Variants in PITRM1 observed in about 807,000 individuals in gnomAD.
PITRM1 encodes the protein pitrilysin metallopeptidase 1.
In PITRM1, 100 loss-of-function variants were observed where a neutral mutation model predicts 129.9. That is an observed-to-expected ratio of 0.77 (90% CI 0.65 to 0.91). The LOEUF (loss-of-function observed/expected upper bound fraction) is 0.91, where lower values mean the gene tolerates loss of function less well. PITRM1 is among the 40% of genes least tolerant of loss of function. The pLI is 0.00. For synonymous variants in PITRM1, 591 were observed against 508.8 expected (o/e 1.16, Z -2.17); for missense variants, 1,471 against 1,318.3 (o/e 1.12, Z -1.79).
At chr10:3,154,758 T>TC (rs972932593) in intron 14 of PITRM1, among the ~76,000 whole-genome samples, 35 of 152,162 alleles carry the variant, frequency 2.3e-4, no homozygotes, top group Admixed American at 1.8e-3. Context: ...AAATGTTTTT[T>TC]CCCAGAGGCC....
intron 14 of PITRM1, among the ~76,000 whole-genome samples, chr10:3,152,473 C>A (rs983847412): frequency 6.6e-6 from 1 of 152,238 alleles, no homozygotes; most frequent in Non-Finnish European, 1.5e-5. Flanking sequence ...CACTTAGACA[C>A]GGGACCTTGG....
At position 3,144,304 on chromosome 10, in the gene PITRM1, C is replaced by G; in HGVS notation, c.2520G>C (p.Arg840Ser). The part of the protein sequence containing the change: ...AHVPHGSQVI[R>S]KLVMEPTFKP... ...CTGTGGTTCTTACCATGACCAGCTTCCTAATGACCTGGGAGCCATGGGGAA... is the reference window on the plus strand; with the variant it reads ...CTGTGGTTCTTACCATGACCAGCTTGCTAATGACCTGGGAGCCATGGGGAA... Residue 840 changes from arginine to serine, a missense_variant, in exon 22 of 27, where the codon AGG becomes AGC. By Grantham distance (110) the Arg-to-Ser change is moderately radical (BLOSUM62 -1). Transcript: ENST00000224949. 1 of 1,557,326 alleles carries G rather than the reference C, an allele frequency of 6.4e-7. No homozygotes were observed. Among genetic ancestry groups the G allele is most frequent in the African/African-American group, 1.4e-5 (1 of 73,498 alleles).
At chr10:3,143,624 T>C in intron 22 of PITRM1, 123 bp from the exon 23 acceptor site, 1 of 734,628 alleles carries the variant, frequency 1.4e-6, no homozygotes, top group South Asian at 1.5e-5. Context: ...GCACTGGGAC[T>C]GGAGCCATCT....
chr10:3,159,010 C>T lies in PITRM1; in HGVS notation c.1040G>A (p.Ser347Asn), dbSNP rs774576261. The T allele has an allele frequency of 1.9e-6, 3 of 1,612,458 alleles. No homozygotes were observed. In the Admixed American group the frequency reaches 5.0e-5, roughly 27 times the overall value. Residue 347 changes from serine (S) to asparagine (N), a missense_variant, in exon 10 of 27, where the codon AGT (serine) becomes AAT (asparagine). Physicochemically the swap from Ser to Asn is conservative, Grantham distance 46. Coordinates refer to ENST00000224949, the MANE Select transcript of PITRM1 (RefSeq NM_014889.4). ...AGAAGTCAAGAGTGAAGACAGAAGA[C>T]TTAATGTGAAGGCTTCAAATGTGTC... ...ITDTFEAFTL[S>N]LLSSLLTSGP...
intron 1 of PITRM1, among the ~76,000 whole-genome samples, chr10:3,171,043 C>T (rs914956304): frequency 4.0e-5 from 6 of 150,898 alleles, no homozygotes; most frequent in African/African-American, 7.3e-5. Context: ...GCGGCCCCAG[C>T]ACTCACAGAC....
chr10:3,149,849 A>C lies in PITRM1; in HGVS notation c.1739-96T>G, dbSNP rs1037815066. 28 of 1,341,576 alleles carry C rather than the reference A, an allele frequency of 2.1e-5. No individual in the cohort carries two copies. In the South Asian group the frequency reaches 3.3e-4, roughly 16 times the overall value. The allele number at this position is 1,341,576 out of a possible 1,614,324, so 83.1% of individuals were successfully genotyped here. The stretch of plus-strand genomic sequence containing the variant: ...CAATGCTATTTATTGTTTTTTCAAG[A>C]ATGGAGGTTTAAGACTTATACTAGA... On this transcript the variant is annotated intron_variant, in intron 15 of 26. Transcript: ENST00000224949.
intron 9 of PITRM1, among the ~76,000 whole-genome samples, 179 bp downstream of exon 9, chr10:3,159,669 C>CATTTTGG (rs1458920801): frequency 6.6e-6 from 1 of 152,158 alleles, no homozygotes; most frequent in East Asian, 1.9e-4. Flanking sequence ...CCTCAAAAAC[C>CATTTTGG]ATTTTGGATG....
At chr10:3,163,680 C>G in intron 7 of PITRM1, 45 bp downstream of exon 7, 1 of 1,521,842 alleles carries the variant, frequency 6.6e-7, no homozygotes, top group South Asian at 1.2e-5. Flanking sequence ...ACAAACAAGT[C>G]AACTTTTCAC....
At chr10:3,141,076 G>C (rs183859047) in intron 23 of PITRM1, among the ~76,000 whole-genome samples, 2 of 152,196 alleles carry the variant, frequency 1.3e-5, no homozygotes, top group Non-Finnish European at 2.9e-5. Flanking sequence ...TGAGTAGCTG[G>C]GCCTACAGGT....
chr10:3,149,145 C>G (rs570276574), intron 16 of PITRM1: 2 of 152,968 alleles, frequency 1.3e-5, no homozygotes, highest in South Asian at 4.1e-4. Flanking sequence ...CAACCTCGGC[C>G]ACGGCAGAGC....
intron 24 of PITRM1, 119 bp from the exon 25 acceptor site, chr10:3,139,168 G>A (rs1839930607): frequency 4.7e-6 from 4 of 849,816 alleles, no homozygotes; most frequent in Middle Eastern, 2.3e-4. Flanking sequence ...TTTTATATCT[G>A]ATTTAGTCCA....
At chr10:3,161,860 A>G (rs1842467028) in intron 7 of PITRM1, among the ~76,000 whole-genome samples, 1 of 143,656 alleles carries the variant, frequency 7.0e-6, no homozygotes, top group African/African-American at 2.4e-5. Context: ...GGAAAAAAAA[A>G]AAAAAGAAGA....
rs1186929211 is a variant in PITRM1 at position 3,170,231 on chromosome 10, G to C, written c.57-25C>G. The C allele has an allele frequency of 1.9e-6, 3 of 1,561,088 alleles. No homozygotes were observed. The South Asian group carries it at 3.3e-5, about 17-fold the overall frequency. ...TCTAGATTAAAAGTCATCTAAGTTA[G>C]ATGAGTTGCAGGAAAAGTATCTGGC... On this transcript the variant is annotated intron_variant, in intron 1 of 26. Transcript: ENST00000224949.
intron 2 of PITRM1, 125 bp from the exon 3 acceptor site, chr10:3,167,167 T>C (rs1842930884): frequency 3.2e-6 from 2 of 618,244 alleles, no homozygotes; most frequent in African/African-American, 3.7e-5. Context: ...GAAGGCAGTA[T>C]TTCAGAGCTG....
At chr10:3,149,968 G>T (rs1841341214) in intron 15 of PITRM1, among the ~76,000 whole-genome samples, 1 of 152,064 alleles carries the variant, frequency 6.6e-6, no homozygotes, top group Non-Finnish European at 1.5e-5. Flanking sequence ...AATGGGAACG[G>T]AAGGATGGAA....
intron 2 of PITRM1, among the ~76,000 whole-genome samples, chr10:3,168,397 C>T (rs1843050321): frequency 6.6e-6 from 1 of 152,152 alleles, no homozygotes; most frequent in Non-Finnish European, 1.5e-5. Flanking sequence ...ATTTCTCAAA[C>T]AAGAATCATG....
At chr10:3,151,612 G>A (rs1841525331) in intron 14 of PITRM1, among the ~76,000 whole-genome samples, 1 of 152,202 alleles carries the variant, frequency 6.6e-6, no homozygotes, top group African/African-American at 2.4e-5. Context: ...ATTCTGCTAG[G>A]AAGTGGTGGT....
At chr10:3,150,191 C>T (rs547058215) in intron 15 of PITRM1, among the ~76,000 whole-genome samples, 6 of 152,208 alleles carry the variant, frequency 3.9e-5, no homozygotes, top group African/African-American at 4.8e-5. Context: ...GTGTCCCCCA[C>T]CCACCCATCC....
chr10:3,156,879 G>C, intron 13 of PITRM1, 51 bp downstream of exon 13: 1 of 1,203,524 alleles, frequency 8.3e-7, no homozygotes, highest in Non-Finnish European at 1.1e-6. Context: ...CCTTTCATTA[G>C]TATAAAATTC....
Sources: gnomAD v4.1 joint callset for allele counts (sites outside exome capture counted in the v4.1 genomes callset) on GRCh38, gnomAD v4.1.1 for gene constraint, MANE v1.5 for transcripts, NCBI Gene and HGNC (gene_info 2026-07-23, HGNC 2026-07-21) for gene names.